Variants in CCDC102B observed in about 807,000 individuals in gnomAD.
CCDC102B encodes coiled-coil domain-containing protein 102B.
CCDC102B carries 75 observed loss-of-function variants against 57.4 expected under a neutral mutation model. That is an observed-to-expected ratio of 1.31 (90% CI 1.08 to 1.58). The LOEUF (loss-of-function observed/expected upper bound fraction) is 1.58, where lower values mean the gene tolerates loss of function less well. CCDC102B is among the 40% of genes most tolerant of loss of function. The pLI is 0.00. For missense variants in CCDC102B, 636 were observed against 582.6 expected, an observed-to-expected ratio of 1.09 and a Z score of -0.94; for synonymous variants, 206 against 201.9, an observed-to-expected ratio of 1.02 and a Z score of -0.17.
intron 7 of CCDC102B, among the ~76,000 whole-genome samples, chr18:69,022,561 G>A (rs562151028): frequency 6.6e-6 from 1 of 151,614 alleles, no homozygotes; most frequent in East Asian, 1.9e-4. Context: ...TACCTCCTTT[G>A]TAGTGCTCTT....
At chr18:68,999,853 C>G (rs1440424235) in intron 6 of CCDC102B, among the ~76,000 whole-genome samples, 1 of 152,000 alleles carries the variant, frequency 6.6e-6, no homozygotes, top group Non-Finnish European at 1.5e-5. Context: ...TTTTTTCATA[C>G]TTATCACTAG....
chr18:68,967,813 T>C (rs2050202551), intron 6 of CCDC102B, among the ~76,000 whole-genome samples: 1 of 152,246 alleles, frequency 6.6e-6, no homozygotes, highest in African/African-American at 2.4e-5. Flanking sequence ...TGGAAACATC[T>C]CTAGTTTCAA....
intron 2 of CCDC102B, among the ~76,000 whole-genome samples, chr18:68,780,470 G>GTT (rs35742450): frequency 1.2e-4 from 17 of 139,886 alleles, no homozygotes; most frequent in Non-Finnish European, 1.6e-4. Flanking sequence ...ATCAACACTT[G>GTT]TTTTTTTTTT....
At chr18:69,049,964 C>A (rs540311951) in intron 7 of CCDC102B, among the ~76,000 whole-genome samples, 29 of 152,206 alleles carry the variant, frequency 1.9e-4, no homozygotes, top group African/African-American at 7.0e-4. Flanking sequence ...TGCCCGCCAC[C>A]ATGCCCGGCT....
rs568804115 is a variant in CCDC102B, at chr18:68,943,081, A to G, written c.1263+45653A>G. Among the ~76,000 whole-genome samples the G allele has an allele frequency of 1.3e-3, 139 of 103,634 alleles. 7 individuals are homozygous for G. The highest frequency in any genetic ancestry group is 3.7e-3 in the African/African-American group (134 of 35,774). The allele number at this position is 103,634 out of a possible 152,430, so 68.0% of individuals were successfully genotyped here. A position where few individuals can be genotyped will look rare whatever the true frequency, so the allele number is the denominator to read the frequency against. On this transcript the variant is annotated intron_variant, in intron 6 of 7. Transcript: ENST00000360242. ...ATTAAGCCTTGAGTCCACACAGCAC[A>G]TGTTTTTGCGAGCACAGGGTTGGGG...
At chr18:69,020,504 T>C (rs2051802062) in intron 7 of CCDC102B, among the ~76,000 whole-genome samples, 1 of 152,118 alleles carries the variant, frequency 6.6e-6, no homozygotes, top group African/African-American at 2.4e-5. Flanking sequence ...AATACTCAAG[T>C]GCCATCTCCA....
At chr18:68,980,306 G>A (rs1340142431) in intron 6 of CCDC102B, among the ~76,000 whole-genome samples, 2 of 143,764 alleles carry the variant, frequency 1.4e-5, no homozygotes, top group Non-Finnish European at 3.0e-5. Flanking sequence ...AATACCAAAT[G>A]ATACTGTGAT....
At chr18:68,779,811 A>G (rs1247614799) in intron 2 of CCDC102B, among the ~76,000 whole-genome samples, 1 of 152,108 alleles carries the variant, frequency 6.6e-6, no homozygotes, top group African/African-American at 2.4e-5. Context: ...TGCCTCACAC[A>G]TGGGTTGATT....
At chr18:68,910,918 A>AG (rs1555724907) in intron 6 of CCDC102B, among the ~76,000 whole-genome samples, 89 of 31,252 alleles carry the variant, frequency 2.8e-3, no homozygotes, top group East Asian at 7.4e-3. Flanking sequence ...GTTACTAAAA[A>AG]GGGGGAAAAA....
chr18:68,760,134 T>A (rs1186417965), intron 2 of CCDC102B, among the ~76,000 whole-genome samples: 1 of 152,116 alleles, frequency 6.6e-6, no homozygotes, highest in East Asian at 1.9e-4. Flanking sequence ...CTATCTCAAT[T>A]TGCTTCTTCT....
chr18:69,045,541 T>G (rs926033556), intron 7 of CCDC102B, among the ~76,000 whole-genome samples: 1 of 152,162 alleles, frequency 6.6e-6, no homozygotes, highest in African/African-American at 2.4e-5. Flanking sequence ...ACTTAAAGTA[T>G]CATACTGTAT....
At position 69,045,311 on chromosome 18, in the gene CCDC102B, AAACTT is replaced by A. The variant is rs1423328647; in HGVS notation, c.1435-8718_1435-8714del. Among the ~76,000 whole-genome samples, 9 of 152,244 alleles carry A rather than the reference AAACTT, an allele frequency of 5.9e-5. No homozygotes were observed. In the East Asian group the frequency reaches 1.5e-3, roughly 26 times the overall value. ...TGATTATGATAAAATGAATACAAAC[AAACTT>A]TTCTAGTGAATAAAACATGTAATAA... On this transcript the variant is annotated intron_variant, in intron 7 of 7. Coordinates refer to ENST00000360242, the MANE Select transcript of CCDC102B (RefSeq NM_024781.3).
intron 4 of CCDC102B, among the ~76,000 whole-genome samples, chr18:68,872,005 C>G (rs2144921707): frequency 6.6e-6 from 1 of 152,138 alleles, no homozygotes; most frequent in South Asian, 2.1e-4. Flanking sequence ...ACTGGATTTA[C>G]TATGTATTGT....
chr18:69,041,200 G>A (rs546200424), intron 7 of CCDC102B, among the ~76,000 whole-genome samples: 8 of 152,238 alleles, frequency 5.3e-5, no homozygotes, highest in South Asian at 2.1e-4. Flanking sequence ...CACTTGCTAT[G>A]TATCATCCTA....
At chr18:69,012,513 C>T (rs2051546142) in intron 7 of CCDC102B, among the ~76,000 whole-genome samples, 1 of 152,134 alleles carries the variant, frequency 6.6e-6, no homozygotes, top group Non-Finnish European at 1.5e-5. Flanking sequence ...TTTCCCACAT[C>T]ATCAATGTCA....
In CCDC102B at chr18:68,850,112, CAAAAGA is replaced by C. The variant is rs1376943739; in HGVS notation, c.936+3701_936+3706del. 2.6e-5 allele frequency among the ~76,000 whole-genome samples: 4 copies of C among 152,024 alleles called. No individual in the cohort carries two copies. The East Asian group carries it at 5.8e-4, about 22-fold the overall frequency. On this transcript the variant is annotated intron_variant, in intron 4 of 7. Coordinates refer to ENST00000360242, the MANE Select transcript of CCDC102B (RefSeq NM_024781.3). ...AGCAATGCATTTAAGCTGTATAACC[CAAAAGA>C]AAAAGAAAATTGATTTGGCAAGCAT...
At chr18:68,891,841 C>A (rs940173444) in intron 5 of CCDC102B, among the ~76,000 whole-genome samples, 5 of 152,124 alleles carry the variant, frequency 3.3e-5, no homozygotes, top group African/African-American at 1.2e-4. Context: ...ATTTATAGAA[C>A]CTATCTCCAA....
chr18:68,817,717 G>C (rs7228546), intron 1 of CCDC102B, among the ~76,000 whole-genome samples: 1 of 151,876 alleles, frequency 6.6e-6, no homozygotes, highest in Non-Finnish European at 1.5e-5. Flanking sequence ...GGTGTGTAGG[G>C]GTAAACATAG....
At chr18:69,008,693 C>T (rs571637750) in intron 6 of CCDC102B, among the ~76,000 whole-genome samples, 2 of 152,146 alleles carry the variant, frequency 1.3e-5, no homozygotes, top group Non-Finnish European at 2.9e-5. Flanking sequence ...CCAGGTCCTG[C>T]CCTGCATCCA....
Sources: gnomAD v4.1 joint callset for allele counts (sites outside exome capture counted in the v4.1 genomes callset) on GRCh38, gnomAD v4.1.1 for gene constraint, MANE v1.5 for transcripts, NCBI Gene and HGNC (gene_info 2026-07-23, HGNC 2026-07-21) for gene names.